The following DLST variants were observed in gnomAD, a reference collection of about 807,000 sequenced individuals.
The protein encoded by DLST is dihydrolipoyllysine-residue succinyltransferase component of 2-oxoglutarate dehydrogenase complex, mitochondrial.
Under a neutral mutation model 53.1 loss-of-function variants are expected in DLST, and 17 were observed. That is an observed-to-expected ratio of 0.32 (90% confidence interval 0.22 to 0.48). The LOEUF (loss-of-function observed/expected upper bound fraction) is 0.48. Among genes scored for constraint, DLST ranks in the 20% least tolerant of loss-of-function variants. The pLI is 0.99. For synonymous variants in DLST, 206 were observed against 204.8 expected, an observed-to-expected ratio of 1.01 and a Z score of -0.05; for missense variants, 512 against 583.9, an observed-to-expected ratio of 0.88 and a Z score of 1.27.
intron 14 of DLST, 75 bp from the exon 15 acceptor site, chr14:74,902,121 G>C: frequency 1.4e-6 from 2 of 1,414,862 alleles, no homozygotes; most frequent in African/African-American, 2.9e-5. Flanking sequence ...TTTCTTATGG[G>C]CTGTGCTAAA....
chr14:74,889,518 A>G (rs867250955), intron 5 of DLST, 169 bp downstream of exon 5: 4 of 606,300 alleles, frequency 6.6e-6, no homozygotes, highest in Non-Finnish European at 1.1e-5. Context: ...ACAGGTGCCC[A>G]CCACCATGCC....
rs768941701 is a variant in DLST at position 74,900,350 on chromosome 14, C to T, written c.1037C>T (p.Thr346Ile). Residue 346 changes from threonine to isoleucine, a missense_variant, in exon 13 of 15, where the codon ACC (threonine) becomes ATC (isoleucine). Thr to Ile is a moderately conservative substitution (Grantham distance 89, BLOSUM62 -1). This residue lies in a region of DLST where 186 missense variants were observed against 260.4 expected (regional missense o/e 0.71). Coordinates refer to ENST00000334220, the MANE Select transcript of DLST (RefSeq NM_001933.5). ...ATGAATTTTGCAGATATTGAACGGA[C>T]CATCACTGAACTGGGAGAGAAGGTA... ...EAMNFADIERTITELGEKARK... is the reference protein window; with the variant it reads ...EAMNFADIERIITELGEKARK... 5.0e-6 allele frequency: 8 copies of T among 1,613,688 alleles called. No individual in the cohort carries two copies. The highest frequency in any genetic ancestry group is 1.7e-5 in the Admixed American group (1 of 60,002).
At chr14:74,882,047 G>T (rs771215689) in intron 1 of DLST, 31 bp downstream of exon 1, 1 of 1,513,058 alleles carries the variant, frequency 6.6e-7, no homozygotes, top group Non-Finnish European at 8.8e-7. Context: ...GGCCCCGACG[G>T]GTGAGGAGTC....
At chr14:74,891,728 C>G in intron 7 of DLST, 1 of 984,854 alleles carries the variant, frequency 1.0e-6, no homozygotes, top group Non-Finnish European at 1.2e-6. Context: ...ATTTTATAAC[C>G]ACTAAAAAGT....
At chr14:74,884,478 A>G (rs1459599591) in intron 2 of DLST, among the ~76,000 whole-genome samples, 3 of 152,212 alleles carry the variant, frequency 2.0e-5, no homozygotes, top group Non-Finnish European at 1.5e-5. Context: ...TTAACCTCCA[A>G]AAGTCCTACT....
intron 13 of DLST, 48 bp downstream of exon 13, chr14:74,900,420 A>C (rs1374457102): frequency 6.4e-7 from 1 of 1,553,756 alleles, no homozygotes; most frequent in Admixed American, 1.7e-5. Context: ...GAGGGAAGAG[A>C]GCCTTCAGAA....
Position 74,898,392 on chromosome 14 carries a change from G to A in DLST, c.794G>A (p.Arg265Gln), listed in dbSNP as rs775306827. The change falls in exon 11 of 15, where the codon CGG (arginine) becomes CAG (glutamine). Residue 265 changes from arginine to glutamine, a missense_variant. Arg to Gln is a conservative substitution (Grantham distance 43, BLOSUM62 1). Around this residue, in one of 4 missense-constraint regions of DLST, gnomAD observed 186 missense variants for 260.4 expected, o/e 0.71. Coordinates refer to ENST00000334220, the MANE Select transcript of DLST (RefSeq NM_001933.5). ...DMSNIQEMRA[R>Q]HKEAFLKKHN... ...AGTAACATCCAGGAGATGAGGGCTC[G>A]GCACAAAGAGGCTTTTTTGAAGAAA... 22 of 1,612,420 alleles carry A rather than the reference G, an allele frequency of 1.4e-5. No homozygotes were observed. Among genetic ancestry groups the A allele is most frequent in the Admixed American group, 1.2e-4 (7 of 59,972 alleles).
chr14:74,900,238 A>G (rs1884199918), intron 12 of DLST, 51 bp from the exon 13 acceptor site: 1 of 1,544,592 alleles, frequency 6.5e-7, no homozygotes, highest in Non-Finnish European at 9.0e-7. Flanking sequence ...GTTGTTAACT[A>G]TAAAAGGTAC....
chr14:74,888,793 A>G (rs1354154118), intron 3 of DLST, among the ~76,000 whole-genome samples: 2 of 152,146 alleles, frequency 1.3e-5, no homozygotes, highest in Non-Finnish European at 2.9e-5. Flanking sequence ...GAAAGAGCCA[A>G]ATGTAAGTCT....
At chr14:74,894,826 C>T (rs1208370091) in intron 10 of DLST, among the ~76,000 whole-genome samples, 2 of 152,038 alleles carry the variant, frequency 1.3e-5, no homozygotes, top group Admixed American at 6.6e-5. Flanking sequence ...GGATTACAGG[C>T]GTGAGCCACC....
At chr14:74,890,743 C>T (rs1021584485) in intron 6 of DLST, among the ~76,000 whole-genome samples, 3 of 151,914 alleles carry the variant, frequency 2.0e-5, no homozygotes, top group South Asian at 4.2e-4. Context: ...TGAGACGTTT[C>T]GCTCTATCAC....
intron 3 of DLST, 149 bp downstream of exon 3, chr14:74,885,783 T>TG (rs1883682921): frequency 1.4e-6 from 1 of 703,764 alleles, no homozygotes; most frequent in African/African-American, 1.8e-5. Context: ...ACCTCAATGT[T>TG]CACTTTTCCC....
chr14:74,884,649 C>T (rs1002039961), intron 2 of DLST, among the ~76,000 whole-genome samples: 49 of 152,112 alleles, frequency 3.2e-4, no homozygotes, highest in African/African-American at 1.2e-3. Context: ...CTCCAGGTTC[C>T]CAAAATCAGT....
chr14:74,896,168 A>T (rs1884073330), intron 10 of DLST, among the ~76,000 whole-genome samples: 1 of 152,250 alleles, frequency 6.6e-6, no homozygotes, highest in African/African-American at 2.4e-5. Context: ...AAGAATTTTT[A>T]AACAGGTCTT....
intron 3 of DLST, among the ~76,000 whole-genome samples, chr14:74,887,540 T>C (rs1346815550): frequency 6.6e-6 from 1 of 152,252 alleles, no homozygotes; most frequent in Non-Finnish European, 1.5e-5. Context: ...ATAAATCTTT[T>C]ATTGTAAAAC....
At chr14:74,889,420 G>A in intron 5 of DLST, 71 bp downstream of exon 5, 1 of 1,309,176 alleles carries the variant, frequency 7.6e-7, no homozygotes, top group Non-Finnish European at 1.1e-6. Context: ...CCAGCCTGGA[G>A]TGCAGTGGTA....
intron 2 of DLST, among the ~76,000 whole-genome samples, chr14:74,883,866 C>G (rs1235184045): frequency 6.6e-6 from 1 of 152,146 alleles, no homozygotes; most frequent in Non-Finnish European, 1.5e-5. Flanking sequence ...TACTATATGC[C>G]AGCCACTGTT....
intron 3 of DLST, among the ~76,000 whole-genome samples, chr14:74,888,716 CAAAA>C (rs942756549): frequency 6.6e-6 from 1 of 152,036 alleles, no homozygotes; most frequent in Non-Finnish European, 1.5e-5. Context: ...TCTTAAAAAA[CAAAA>C]AACCAAATCA....
rs1371282351 is a variant in DLST at position 74,894,341 on chromosome 14, T to C, written c.702T>C (p.Ile234=). Residue 234 remains isoleucine (I), a synonymous_variant, in exon 10 of 15, where the codon ATT becomes ATC. Coordinates refer to ENST00000334220, the MANE Select transcript of DLST (RefSeq NM_001933.5). ...REKMNRMRQR[I]AQRLKEAQNT... ...AAATGAACAGGATGCGGCAGCGCATTGCTCAGCGTCTGAAGGAGGCCCAGA... is the reference window on the plus strand; with the variant it reads ...AAATGAACAGGATGCGGCAGCGCATCGCTCAGCGTCTGAAGGAGGCCCAGA... 6.2e-7 allele frequency: 1 copy of C among 1,614,214 alleles called. No homozygotes were observed. Among genetic ancestry groups the C allele is most frequent in the Non-Finnish European group, 8.5e-7 (1 of 1,180,032 alleles).
Sources: allele counts gnomAD v4.1 joint callset (sites outside exome capture counted in the v4.1 genomes callset), GRCh38; gene constraint gnomAD v4.1.1; regional missense constraint gnomAD v4.1.1; transcripts MANE v1.5; gene names NCBI Gene and HGNC (gene_info 2026-07-23, HGNC 2026-07-21).